The following MAFG variants were observed in gnomAD, a reference collection of about 807,000 sequenced individuals.
MAFG encodes MAF bZIP transcription factor G.
Under a neutral mutation model 12.2 loss-of-function variants are expected in MAFG, and 3 were observed. The ratio of observed to expected loss-of-function variants is 0.25; its 90% CI spans 0.11 to 0.64. The LOEUF (loss-of-function observed/expected upper bound fraction) is 0.64, where lower values mean the gene tolerates loss of function less well. Ranked by LOEUF, MAFG falls within the 30% of genes least tolerant of loss-of-function variation. MAFG has a pLI of 0.85. For missense variants in MAFG, 153 were observed against 235.5 expected, an observed-to-expected ratio of 0.65 and a Z score of 2.29; for synonymous variants, 126 against 109.1, an observed-to-expected ratio of 1.15 and a Z score of -0.96.
chr17:81,923,842 G>A (rs2040919710), intron 1 of MAFG, among the ~76,000 whole-genome samples: 1 of 152,224 alleles, frequency 6.6e-6, no homozygotes, highest in Non-Finnish European at 1.5e-5. Context: ...GCCCCACGGG[G>A]GACCTGGCCA....
In MAFG at chr17:81,920,911, G is replaced by A. The variant is rs2040882846; in HGVS notation, c.*1694C>T. On this transcript the variant is annotated 3_prime_UTR_variant, in exon 3 of 3. Transcript: ENST00000357736. ...GCCTGGAAGCACCACCCGCAGCATG[G>A]AAACACCTCAGGGATCAAGCGGGCG... 1.3e-5 allele frequency: 2 copies of A among 152,476 alleles called. No individual in the cohort carries two copies. The highest frequency in any genetic ancestry group is 4.8e-5 in the African/African-American group (2 of 41,460). 9.4% of individuals were successfully genotyped at this position (152,476 alleles called of 1,614,324 possible).
chr17:81,923,381 C>T (rs2040914104), intron 1 of MAFG, 167 bp from the exon 2 acceptor site: 4 of 524,568 alleles, frequency 7.6e-6, no homozygotes, highest in African/African-American at 2.0e-5. Flanking sequence ...TGGCCTCTCC[C>T]AGGCTGGGCT....
In MAFG at chr17:81,926,109, G is replaced by A. The variant is rs1444876764; in HGVS notation, c.-30+1419C>T. 1.3e-5 allele frequency among the ~76,000 whole-genome samples: 2 copies of A among 151,962 alleles called. No homozygotes were observed. The highest frequency in any genetic ancestry group is 2.9e-5 in the Non-Finnish European group (2 of 67,998). On this transcript the variant is annotated intron_variant, in intron 1 of 2. Transcript: ENST00000357736. This position sits in a 1 kb window ranked among gnomAD's most constrained non-coding sequence, Gnocchi z 4.6. ...TGAAATGAACTCCTGGGCAAAGGAAGTCAACCTTCGTGAATCTCCACATAC... is the reference window on the plus strand; with the variant it reads ...TGAAATGAACTCCTGGGCAAAGGAAATCAACCTTCGTGAATCTCCACATAC...
rs368298475 is a variant in MAFG, at chr17:81,923,191, G to C, written c.-6C>G. 7 of 1,600,082 alleles carry C rather than the reference G, an allele frequency of 4.4e-6. No homozygotes were observed. The South Asian group carries it at 6.7e-5, about 15-fold the overall frequency. ...CCTTTATTGGGGGTCGTCATAACCC[G>C]GGGGCACAGCGAGCAGGCGCTCTCT... On this transcript the variant is annotated 5_prime_UTR_variant, in exon 2 of 3. Transcript: ENST00000357736.
intron 1 of MAFG, among the ~76,000 whole-genome samples, chr17:81,925,613 C>T (rs1381914278): frequency 6.6e-6 from 1 of 152,100 alleles, no homozygotes; most frequent in African/African-American, 2.4e-5. Context: ...TCGAGACCAT[C>T]CTGGCTAACA....
At chr17:81,929,129 T>C (rs1005180996), upstream of MAFG, among the ~76,000 whole-genome samples, 2 of 152,008 alleles carry the variant, frequency 1.3e-5, no homozygotes, top group South Asian at 2.1e-4. This position sits in a 1 kb window ranked among gnomAD's most constrained non-coding sequence, Gnocchi z 5.7. Context: ...ACACCCCAAC[T>C]CCTCCTCACA....
In MAFG at chr17:81,922,809, T is replaced by C. The variant is rs747225135; in HGVS notation, c.285A>G (p.Ser95=). ...GCTCCAGCTTCATGCTGGCGTTCTC[T>C]GAGGCCAGCTTCTCCACCTCCTGCT... ...ELQQEVEKLA[S]ENASMKLELD... is the part of the protein sequence containing the mutation. The change falls in exon 3 of 3, where the codon TCA becomes TCG. Residue 95 remains serine (S), a synonymous_variant. Transcript: ENST00000357736. 6.2e-7 allele frequency: 1 copy of C among 1,606,684 alleles called. No homozygotes were observed. The highest frequency in any genetic ancestry group is 8.5e-7 in the Non-Finnish European group (1 of 1,176,728).
chr17:81,924,213 G>C lies in MAFG; in HGVS notation c.-29-999C>G, dbSNP rs1045083789. On this transcript the variant is annotated intron_variant, in intron 1 of 2. Coordinates refer to ENST00000357736, the MANE Select transcript of MAFG (RefSeq NM_002359.4). The surrounding 1 kb of genome is among the most constrained non-coding windows in gnomAD (Gnocchi z 4.7). Reference sequence around the variant, plus strand: ...CAGCCTGCTCTCTGGTCCCTGCCCCGGGTGAGTGCCCACAGGGCCAGGGAG... The same window carrying C: ...CAGCCTGCTCTCTGGTCCCTGCCCCCGGTGAGTGCCCACAGGGCCAGGGAG... 1.3e-5 allele frequency: 2 copies of C among 152,308 alleles called. No homozygotes were observed. The highest frequency in any genetic ancestry group is 4.8e-5 in the African/African-American group (2 of 41,472). The allele number at this position is 152,308 out of a possible 1,614,324, so 9.4% of individuals were successfully genotyped here. A position where few individuals can be genotyped will look rare whatever the true frequency, so the allele number is the denominator to read the frequency against.
In MAFG at chr17:81,919,451, G is replaced by A. The variant is rs2040865473; in HGVS notation, c.*3154C>T. 1 of 152,386 alleles carries A rather than the reference G, an allele frequency of 6.6e-6. No individual in the cohort carries two copies. The highest frequency in any genetic ancestry group is 6.5e-5 in the Admixed American group (1 of 15,292). The allele number at this position is 152,386 out of a possible 1,614,324, so 9.4% of individuals were successfully genotyped here. A position where few individuals can be genotyped will look rare whatever the true frequency, so the allele number is the denominator to read the frequency against. On this transcript the variant is annotated 3_prime_UTR_variant, in exon 3 of 3. Coordinates refer to ENST00000357736, the MANE Select transcript of MAFG (RefSeq NM_002359.4). The stretch of plus-strand genomic sequence containing the variant: ...CCAGTGCCACCCCGAGCAGCAGCCA[G>A]GGGCCTCACTCTCCTGGTGAGAGCT...
In MAFG at chr17:81,922,757, C is replaced by T. The variant is rs760119191; in HGVS notation, c.337G>A (p.Ala113Thr). ...ACCGTCCGGGCGAAGGTCTGCAGCG[C>T]CTCGTACTTGGAGCGCAGCGCGTCG... ...ELDALRSKYEALQTFARTVAR... is the reference protein window; with the variant it reads ...ELDALRSKYETLQTFARTVAR... Residue 113 changes from alanine to threonine, a missense_variant, in exon 3 of 3, where the codon GCG (alanine) becomes ACG (threonine). Ala to Thr is a moderately conservative substitution (Grantham distance 58). Around this residue, in one of 3 missense-constraint regions of MAFG, gnomAD observed 81 missense variants for 94.7 expected, o/e 0.86. Coordinates refer to ENST00000357736, the MANE Select transcript of MAFG (RefSeq NM_002359.4). The T allele has an allele frequency of 1.3e-6, 2 of 1,592,162 alleles. No individual in the cohort carries two copies. The highest frequency in any genetic ancestry group is 2.3e-5 in the South Asian group (2 of 88,210).
chr17:81,929,125 CA>C (rs888120077), upstream of MAFG, among the ~76,000 whole-genome samples: 2 of 152,252 alleles, frequency 1.3e-5, no homozygotes, highest in Non-Finnish European at 1.5e-5. This position sits in a 1 kb window ranked among gnomAD's most constrained non-coding sequence, Gnocchi z 5.7. Context: ...TCCCACACCC[CA>C]ACTCCTCCTC....
rs762959203 is a variant in MAFG at position 81,925,649 on chromosome 17, A to C, written c.-30+1879T>G. On this transcript the variant is annotated intron_variant, in intron 1 of 2. Transcript: ENST00000357736. ...CGGTGAAACCCCGTCTCTACTAAAA[A>C]TACAAAAAAATAGCCGGGCGTCGTG... is the stretch of plus-strand genomic sequence containing the variant. 7.2e-4 allele frequency among the ~76,000 whole-genome samples: 110 copies of C among 152,166 alleles called. 2 individuals carry two copies. The highest frequency in any genetic ancestry group is 1.1e-3 in the Non-Finnish European group (75 of 67,992).
Position 81,922,739 on chromosome 17 carries a change from G to C in MAFG, c.355C>G (p.Arg119Gly), listed in dbSNP as rs773528916. ...GCCACGGGGCTGCGGGCCACCGTCC[G>C]GGCGAAGGTCTGCAGCGCCTCGTAC... The part of the protein sequence containing the change: ...SKYEALQTFA[R>G]TVARSPVAPA... Residue 119 changes from arginine to glycine, a missense_variant, in exon 3 of 3, where the codon CGG (arginine) becomes GGG (glycine). Around this residue, in one of 3 missense-constraint regions of MAFG, gnomAD observed 81 missense variants for 94.7 expected, o/e 0.86. Transcript: ENST00000357736. 1.3e-6 allele frequency: 2 copies of C among 1,579,760 alleles called. No individual in the cohort carries two copies. The highest frequency in any genetic ancestry group is 1.7e-6 in the Non-Finnish European group (2 of 1,161,656).
upstream of MAFG, chr17:81,929,345 G>A (rs1598349466): frequency 1.3e-5 from 2 of 152,348 alleles, no homozygotes; most frequent in Admixed American, 1.3e-4. The surrounding 1 kb of genome is among the most constrained non-coding windows in gnomAD (Gnocchi z 5.7). Flanking sequence ...GAATCTTCTT[G>A]GGGTGGGTGG....
intron 2 of MAFG, 40 bp from the exon 3 acceptor site, chr17:81,923,097 G>A (rs565014310): frequency 6.8e-6 from 11 of 1,609,742 alleles, no homozygotes; most frequent in East Asian, 4.5e-5. Flanking sequence ...AAGCGGGCAC[G>A]CCCACTGTGC....
rs2040909487 is a variant in MAFG at position 81,923,119 on chromosome 17, AGCCCACAGGCTCCTGTCCCT to A, written c.36+11_36+30del. On this transcript the variant is annotated intron_variant, in intron 2 of 2. Coordinates refer to ENST00000357736, the MANE Select transcript of MAFG (RefSeq NM_002359.4). ...CACGCCCACTGTGCCCCCCGACCCCAGCCCACAGGCTCCTGTCCCTGCCCACTCACCTTCAAGGCCTTGTT... is the reference window on the plus strand; with the variant it reads ...CACGCCCACTGTGCCCCCCGACCCCAGCCCACTCACCTTCAAGGCCTTGTT... 6.2e-7 allele frequency: 1 copy of A among 1,611,800 alleles called. No homozygotes were observed. The highest frequency in any genetic ancestry group is 2.2e-5 in the East Asian group (1 of 44,852).
upstream of MAFG, chr17:81,929,548 G>A (rs905705868): frequency 1.3e-5 from 2 of 152,426 alleles, no homozygotes; most frequent in African/African-American, 2.4e-5. This position sits in a 1 kb window ranked among gnomAD's most constrained non-coding sequence, Gnocchi z 5.7. Context: ...CCTCCCCAGC[G>A]GCTCCTGGCC....
upstream of MAFG, chr17:81,927,762 A>C (rs1227475044): frequency 1.3e-5 from 2 of 152,020 alleles, no homozygotes; most frequent in East Asian, 1.9e-4. Context: ...GGCTCCATTC[A>C]TGAAGCGGCG....
chr17:81,922,721 G>A lies in MAFG; in HGVS notation c.373C>T (p.Pro125Ser), dbSNP rs2040903909. Reference sequence around the variant, plus strand: ...AGGGGGCCCCGGGCTGGCGCCACGGGGCTGCGGGCCACCGTCCGGGCGAAG... The same window carrying A: ...AGGGGGCCCCGGGCTGGCGCCACGGAGCTGCGGGCCACCGTCCGGGCGAAG... ...QTFARTVARS[P>S]VAPARGPLAA... Residue 125 changes from proline to serine, a missense_variant, in exon 3 of 3, where the codon CCC (proline) becomes TCC (serine). Pro to Ser is a moderately conservative substitution (Grantham distance 74). Coordinates refer to ENST00000357736, the MANE Select transcript of MAFG (RefSeq NM_002359.4). 3.2e-6 allele frequency: 5 copies of A among 1,562,008 alleles called. No homozygotes were observed. In the East Asian group the frequency reaches 1.2e-4, roughly 36 times the overall value.
Sources: gnomAD v4.1 joint callset for allele counts (sites outside exome capture counted in the v4.1 genomes callset) on GRCh38, gnomAD v4.1.1 for gene constraint, gnomAD v4.1.1 regional missense constraint, Gnocchi (gnomAD v3.1) non-coding constraint, MANE v1.5 for transcripts, NCBI Gene and HGNC (gene_info 2026-07-23, HGNC 2026-07-21) for gene names.